Variants in MOB1A observed in about 807,000 individuals in gnomAD.
MOB1A encodes MOB1 Mps One Binder homolog A.
In MOB1A, 10 loss-of-function variants were observed where a neutral mutation model predicts 25.1. That is an observed-to-expected ratio of 0.40 (90% CI 0.25 to 0.68). The LOEUF is 0.68. Ranked by LOEUF, MOB1A falls within the 30% of genes least tolerant of loss-of-function variation. The pLI is 0.40. For synonymous variants in MOB1A, 81 were observed against 79.5 expected (o/e 1.02, Z -0.10); for missense variants, 177 against 256.3 (o/e 0.69, Z 2.11).
Position 74,156,514 on chromosome 2 carries a change from G to T in MOB1A, c.*54C>A. 3 of 1,250,446 alleles carry T rather than the reference G, an allele frequency of 2.4e-6. No homozygotes were observed. The highest frequency in any genetic ancestry group is 1.3e-5 in the South Asian group (1 of 77,446). 77.5% of individuals were successfully genotyped at this position (1,250,446 alleles called of 1,614,324 possible). On this transcript the variant is annotated 3_prime_UTR_variant, in exon 6 of 6. Transcript: ENST00000396049. ...ACTAGTCTATAACAGATAGCAATGA[G>T]ATAGTTCTAGCAATAGATGAAGCAA... is the stretch of plus-strand genomic sequence containing the variant.
chr2:74,167,029 ATG>A lies in MOB1A; in HGVS notation c.258_259del (p.Met87ValfsTer7), dbSNP rs1693149726. 1.2e-6 allele frequency: 2 copies of A among 1,613,748 alleles called. No individual in the cohort carries two copies. Among genetic ancestry groups the A allele is most frequent in the Non-Finnish European group, 1.7e-6 (2 of 1,179,690 alleles). ...GTATATGTACCTCGGACCTGCAGAC[ATG>A]ACTGGACAGCTTGCTTCAGTGCAGA... On this transcript the variant is annotated frameshift_variant, in exon 3 of 6. Coordinates refer to ENST00000396049, the MANE Select transcript of MOB1A (RefSeq NM_018221.5). LOFTEE classifies it high-confidence loss of function.
At chr2:74,173,124 A>G (rs540421765) in intron 1 of MOB1A, 3 of 494,240 alleles carry the variant, frequency 6.1e-6, no homozygotes, top group Non-Finnish European at 1.2e-5. Context: ...TGACAGAGCA[A>G]GACTCAGTCT....
intron 3 of MOB1A, among the ~76,000 whole-genome samples, chr2:74,165,810 T>G (rs1693114077): frequency 6.6e-6 from 1 of 152,210 alleles, no homozygotes; most frequent in Non-Finnish European, 1.5e-5. Flanking sequence ...CCCTTACCTT[T>G]GCCGAGCTAG....
rs371943599 is a variant in MOB1A at position 74,159,121 on chromosome 2, G to A, written c.543C>T (p.Thr181=). The change falls in exon 5 of 6, where the codon ACC becomes ACT. Residue 181 remains threonine, a synonymous_variant. Transcript: ENST00000396049. ...MQLQEEAHLN[T]SFKHFIFFVQ... ...CAAAGAAAATAAAGTGCTTAAAGGA[G>A]GTGTTGAGGTGGGCCTCCTCTTGCA... is the stretch of plus-strand genomic sequence containing the variant. 42 of 1,613,864 alleles carry A rather than the reference G, an allele frequency of 2.6e-5. No individual in the cohort carries two copies. The highest frequency in any genetic ancestry group is 3.3e-5 in the Non-Finnish European group (39 of 1,179,890).
At position 74,155,013 on chromosome 2, in the gene MOB1A, TTAGTG is replaced by T. The variant is rs2103680247; in HGVS notation, c.*1550_*1554del. 6.6e-6 allele frequency: 1 copy of T among 152,262 alleles called. No individual in the cohort carries two copies. The highest frequency in any genetic ancestry group is 1.5e-5 in the Non-Finnish European group (1 of 68,022). The allele number at this position is 152,262 out of a possible 1,614,324, so 9.4% of individuals were successfully genotyped here. On this transcript the variant is annotated 3_prime_UTR_variant, in exon 6 of 6. Coordinates refer to ENST00000396049, the MANE Select transcript of MOB1A (RefSeq NM_018221.5). ...TCTAAGTAATTATTTTCTTTATAGTTTAGTGGAGTAAGAAAAATAAATCTAAAAAA... is the reference window on the plus strand; with the variant it reads ...TCTAAGTAATTATTTTCTTTATAGTTGAGTAAGAAAAATAAATCTAAAAAA...
At position 74,156,108 on chromosome 2, in the gene MOB1A, G is replaced by C. The variant is rs185860800; in HGVS notation, c.*460C>G. 6.5e-6 allele frequency: 1 copy of C among 152,958 alleles called. No homozygotes were observed. Among genetic ancestry groups the C allele is most frequent in the African/African-American group, 2.4e-5 (1 of 41,404 alleles). The allele number at this position is 152,958 out of a possible 1,614,324, so 9.5% of individuals were successfully genotyped here. A position where few individuals can be genotyped will look rare whatever the true frequency, so the allele number is the denominator to read the frequency against. Reference sequence around the variant, plus strand: ...ATACTGAAAAATACATTTTTTATTCGTAAAATAAAAGAATAAAACCAATCT... The same window carrying C: ...ATACTGAAAAATACATTTTTTATTCCTAAAATAAAAGAATAAAACCAATCT... On this transcript the variant is annotated 3_prime_UTR_variant, in exon 6 of 6. Coordinates refer to ENST00000396049, the MANE Select transcript of MOB1A (RefSeq NM_018221.5).
intron 2 of MOB1A, 80 bp from the exon 3 acceptor site, chr2:74,167,187 A>G (rs1239176250): frequency 2.8e-6 from 3 of 1,064,476 alleles, no homozygotes; most frequent in East Asian, 4.8e-5. Flanking sequence ...AAAACAGACA[A>G]TACATTTAGG....
chr2:74,178,570 C>T, intron 1 of MOB1A, 91 bp downstream of exon 1: 3 of 957,992 alleles, frequency 3.1e-6, no homozygotes, highest in African/African-American at 1.7e-5. Flanking sequence ...CCCGCCTCGG[C>T]CCCCAGGCCG....
intron 4 of MOB1A, among the ~76,000 whole-genome samples, chr2:74,159,827 C>T (rs796462021): frequency 9.4e-6 from 1 of 106,372 alleles, no homozygotes; most frequent in African/African-American, 3.5e-5. Context: ...GTCCCCCCCC[C>T]CACCCCGGAG....
intron 4 of MOB1A, among the ~76,000 whole-genome samples, chr2:74,160,974 G>A (rs191133871): frequency 1.5e-3 from 226 of 151,948 alleles, no homozygotes; most frequent in African/African-American, 5.3e-3. Context: ...CAGAAGAATC[G>A]CTTGAACCCA....
rs1692782022 is a variant in MOB1A, at chr2:74,155,558, T to C, written c.*1010A>G. ...TTTATCCTTATTAGGATGAAGTTCA[T>C]GCATTTCTACACTACTCTTAACTAA... On this transcript the variant is annotated 3_prime_UTR_variant, in exon 6 of 6. Coordinates refer to ENST00000396049, the MANE Select transcript of MOB1A (RefSeq NM_018221.5). 6.6e-6 allele frequency: 1 copy of C among 152,572 alleles called. No individual in the cohort carries two copies. The highest frequency in any genetic ancestry group is 1.5e-5 in the Non-Finnish European group (1 of 67,980). The allele number at this position is 152,572 out of a possible 1,614,324, so 9.5% of individuals were successfully genotyped here.
At position 74,153,909 on chromosome 2, in the gene MOB1A, C is replaced by T. The variant is rs1692727359; in HGVS notation, c.*2659G>A. On this transcript the variant is annotated 3_prime_UTR_variant, in exon 6 of 6. Transcript: ENST00000396049. The stretch of plus-strand genomic sequence containing the variant: ...GGGCACGGTGGCTCATGCCTGTAAT[C>T]CCAACACTTTGGGAGGCTGAGGCGG... 1.3e-5 allele frequency: 2 copies of T among 152,256 alleles called. No individual in the cohort carries two copies. Among genetic ancestry groups the T allele is most frequent in the South Asian group, 4.1e-4 (2 of 4,828 alleles). The allele number at this position is 152,256 out of a possible 1,614,324, so 9.4% of individuals were successfully genotyped here.
At position 74,159,095 on chromosome 2, in the gene MOB1A, A is replaced by G. The variant is rs1692886024; in HGVS notation, c.569T>C (p.Val190Ala). The G allele has an allele frequency of 6.2e-7, 1 of 1,613,736 alleles. No homozygotes were observed. ...NTSFKHFIFFVQEFNLIDRRE... is the reference protein window; with the variant it reads ...NTSFKHFIFFAQEFNLIDRRE... ...AATCAACATGGATCAACTTACCTGA[A>G]CAAAGAAAATAAAGTGCTTAAAGGA... Residue 190 changes from valine to alanine, a missense_variant, in exon 5 of 6, where the codon GTT becomes GCT. Coordinates refer to ENST00000396049, the MANE Select transcript of MOB1A (RefSeq NM_018221.5).
chr2:74,156,623 C>T lies in MOB1A; in HGVS notation c.596G>A (p.Arg199His), dbSNP rs1416732105. ...FVQEFNLIDR[R>H]ELAPLQELIE... ...TAATTCTTGAAGAGGTGCCAGCTCA[C>T]GCCTATCAATCAGATTAAACTCCTA... Residue 199 changes from arginine to histidine, a missense_variant, in exon 6 of 6, where the codon CGT becomes CAT. Physicochemically the swap from Arg to His is conservative, Grantham distance 29 (BLOSUM62 0). Coordinates refer to ENST00000396049, the MANE Select transcript of MOB1A (RefSeq NM_018221.5). The T allele has an allele frequency of 3.9e-6, 6 of 1,554,660 alleles. No individual in the cohort carries two copies. The highest frequency in any genetic ancestry group is 1.7e-4 in the Middle Eastern group (1 of 5,996).
chr2:74,153,847 A>C lies in MOB1A; in HGVS notation c.*2721T>G, dbSNP rs537486430. 6.6e-6 allele frequency: 1 copy of C among 152,282 alleles called. No homozygotes were observed. The highest frequency in any genetic ancestry group is 6.5e-5 in the Admixed American group (1 of 15,290). The allele number at this position is 152,282 out of a possible 1,614,324, so 9.4% of individuals were successfully genotyped here. A position where few individuals can be genotyped will look rare whatever the true frequency, so the allele number is the denominator to read the frequency against. On this transcript the variant is annotated 3_prime_UTR_variant, in exon 6 of 6. Transcript: ENST00000396049. ...GCAAACCTTGGGCATGGGGAGATAA[A>C]AGTGAGAAGAGTCAAAAAGATTGAT...
At chr2:74,161,944 G>A (rs1241932953) in intron 4 of MOB1A, among the ~76,000 whole-genome samples, 1 of 152,084 alleles carries the variant, frequency 6.6e-6, no homozygotes, top group Admixed American at 6.6e-5. Flanking sequence ...GCAACAGAGT[G>A]AGAGTCTGTC....
At chr2:74,168,548 T>C (rs1693195073) in intron 2 of MOB1A, among the ~76,000 whole-genome samples, 1 of 152,028 alleles carries the variant, frequency 6.6e-6, no homozygotes, top group East Asian at 1.9e-4. Context: ...GACGCTGAAG[T>C]GGAAGGATCC....
In MOB1A at chr2:74,165,217, C is replaced by G; in HGVS notation, c.409+1G>C. The G allele has an allele frequency of 6.6e-7, 1 of 1,520,962 alleles. No homozygotes were observed. Among genetic ancestry groups the G allele is most frequent in the East Asian group, 2.5e-5 (1 of 40,676 alleles). 94.2% of individuals were successfully genotyped at this position (1,520,962 alleles called of 1,614,324 possible). A position where few individuals can be genotyped will look rare whatever the true frequency, so the allele number is the denominator to read the frequency against. On this transcript the variant is annotated splice_donor_variant, in intron 4 of 5. Coordinates refer to ENST00000396049, the MANE Select transcript of MOB1A (RefSeq NM_018221.5). LOFTEE classifies it high-confidence loss of function. ...AGAATACTTCGACAATGTTAACTCACCAATCTTAGAAGGAAAAAGAGTTTC... is the reference window on the plus strand; with the variant it reads ...AGAATACTTCGACAATGTTAACTCAGCAATCTTAGAAGGAAAAAGAGTTTC...
At chr2:74,163,411 A>T (rs1693031209) in intron 4 of MOB1A, among the ~76,000 whole-genome samples, 1 of 152,156 alleles carries the variant, frequency 6.6e-6, no homozygotes, top group Admixed American at 6.5e-5. Context: ...CCAAGGAAGG[A>T]GGGATGCTTG....
Sources: allele counts gnomAD v4.1 joint callset (sites outside exome capture counted in the v4.1 genomes callset), GRCh38; gene constraint gnomAD v4.1.1; transcripts MANE v1.5; gene names NCBI Gene and HGNC (gene_info 2026-07-23, HGNC 2026-07-21).